Variants in MYO9B observed in about 807,000 individuals in gnomAD.
The protein encoded by MYO9B is myosin IXB.
Under a neutral mutation model 229.5 loss-of-function variants are expected in MYO9B, and 71 were observed. The ratio of observed to expected loss-of-function variants is 0.31; its 90% CI spans 0.26 to 0.38. The LOEUF is 0.38. Ranked by LOEUF, MYO9B falls within the 10% of genes least tolerant of loss-of-function variation. MYO9B has a pLI of 1.00. For missense variants in MYO9B, 2,255 were observed against 2,920.5 expected (o/e 0.77, Z 5.25); for synonymous variants, 1,185 against 1,235.8 (o/e 0.96, Z 0.86).
In MYO9B at chr19:17,101,675, G is replaced by A. The variant is rs757012194; in HGVS notation, c.-43G>A. On this transcript the variant is annotated 5_prime_UTR_variant, in exon 2 of 40. Transcript: ENST00000682292. The surrounding 1 kb of genome is among the most constrained non-coding windows in gnomAD (Gnocchi z 4.7). Reference sequence around the variant, plus strand: ...TCCCTTCTAGCTCCAGGACACGCGCGCCCCGAGCCTGGGAGGCATGCTGAA... The same window carrying A: ...TCCCTTCTAGCTCCAGGACACGCGCACCCCGAGCCTGGGAGGCATGCTGAA... 29 of 1,510,268 alleles carry A rather than the reference G, an allele frequency of 1.9e-5. No individual in the cohort carries two copies. Among genetic ancestry groups the A allele is most frequent in the Middle Eastern group, 1.7e-4 (1 of 5,772 alleles). The allele number at this position is 1,510,268 out of a possible 1,614,324, so 93.6% of individuals were successfully genotyped here.
chr19:17,205,471 G>A (rs1381732291), intron 31 of MYO9B, 135 bp downstream of exon 31: 5 of 778,250 alleles, frequency 6.4e-6, no homozygotes, highest in Non-Finnish European at 2.1e-6. Flanking sequence ...CTCTGGTTCT[G>A]CAGAACACAC....
chr19:17,202,372 C>A, intron 28 of MYO9B, 69 bp downstream of exon 28: 1 of 1,435,552 alleles, frequency 7.0e-7, no homozygotes, highest in Non-Finnish European at 9.4e-7. Context: ...CATCCTTAGC[C>A]ACGCCCACCC....
At position 17,192,733 on chromosome 19, in the gene MYO9B, C is replaced by G; in HGVS notation, c.2812-13C>G. ...GCAGTGCAGCTGACCCCACCTGACC[C>G]CGTGCCCACCAGGTCTTCCTGAAGG... is the stretch of plus-strand genomic sequence containing the variant. On this transcript the variant is annotated splice_polypyrimidine_tract_variant and intron_variant, in intron 20 of 39. Transcript: ENST00000682292. 1 of 1,513,826 alleles carries G rather than the reference C, an allele frequency of 6.6e-7. No homozygotes were observed. Among genetic ancestry groups the G allele is most frequent in the Non-Finnish European group, 8.9e-7 (1 of 1,125,556 alleles). The allele number at this position is 1,513,826 out of a possible 1,614,324, so 93.8% of individuals were successfully genotyped here. A position where few individuals can be genotyped will look rare whatever the true frequency, so the allele number is the denominator to read the frequency against.
chr19:17,114,481 G>A (rs1427366435), intron 2 of MYO9B, among the ~76,000 whole-genome samples: 3 of 152,200 alleles, frequency 2.0e-5, no homozygotes, highest in South Asian at 2.1e-4. Context: ...CCCTAGGTGC[G>A]TGAGGATCTG....
At chr19:17,177,005 C>T (rs4808584) in intron 14 of MYO9B, among the ~76,000 whole-genome samples, 5 of 151,840 alleles carry the variant, frequency 3.3e-5, no homozygotes, top group African/African-American at 4.8e-5. Context: ...GTTTGAGACC[C>T]GCCTGGCCAA....
At chr19:17,185,588 C>T (rs751591919) in intron 17 of MYO9B, among the ~76,000 whole-genome samples, 1 of 151,942 alleles carries the variant, frequency 6.6e-6, no homozygotes, top group Non-Finnish European at 1.5e-5. Context: ...ACACTACATC[C>T]GTGGTCCCTT....
At chr19:17,181,072 T>C (rs1218944620) in intron 15 of MYO9B, 32 bp downstream of exon 15, 19 of 1,491,244 alleles carry the variant, frequency 1.3e-5, no homozygotes, top group Non-Finnish European at 1.3e-5. Context: ...TGCTTACAAG[T>C]GCGACAACCG....
chr19:17,148,288 G>A (rs116591074), intron 3 of MYO9B, among the ~76,000 whole-genome samples: 1,865 of 152,286 alleles, frequency 0.012, 27 homozygotes, highest in African/African-American at 0.041. Context: ...GACACTGCAG[G>A]CTTGACCTCC....
At chr19:17,156,726 T>TGCAGG (rs1376724387) in intron 6 of MYO9B, among the ~76,000 whole-genome samples, 183 bp from the exon 7 acceptor site, 1 of 152,182 alleles carries the variant, frequency 6.6e-6, no homozygotes, top group Non-Finnish European at 1.5e-5. Flanking sequence ...AGGAAAAAGA[T>TGCAGG]AACTGTCTGC....
chr19:17,132,387 A>C (rs1354338911), intron 2 of MYO9B, among the ~76,000 whole-genome samples: 1 of 150,052 alleles, frequency 6.7e-6, no homozygotes, highest in Non-Finnish European at 1.5e-5. Context: ...GGGTTCCACC[A>C]TGTTGGCCAG....
At chr19:17,174,341 T>G (rs1324495148) in intron 13 of MYO9B, among the ~76,000 whole-genome samples, 1 of 152,112 alleles carries the variant, frequency 6.6e-6, no homozygotes, top group African/African-American at 2.4e-5. Context: ...AATGAGCTGC[T>G]TTTTAAGATC....
intron 2 of MYO9B, among the ~76,000 whole-genome samples, chr19:17,109,436 C>T (rs1232578204): frequency 6.6e-6 from 1 of 152,138 alleles, no homozygotes; most frequent in African/African-American, 2.4e-5. Flanking sequence ...TGATTTTCCT[C>T]CATCATCTCT....
At chr19:17,169,347 G>T (rs976611381) in intron 11 of MYO9B, among the ~76,000 whole-genome samples, 13 of 143,374 alleles carry the variant, frequency 9.1e-5, no homozygotes, top group African/African-American at 3.4e-4. Context: ...ACTCCAGCCT[G>T]GGTGACAGAC....
At chr19:17,119,479 G>A (rs1289244240) in intron 2 of MYO9B, among the ~76,000 whole-genome samples, 2 of 152,198 alleles carry the variant, frequency 1.3e-5, no homozygotes, top group Non-Finnish European at 2.9e-5. Flanking sequence ...GGCCGAGGAG[G>A]GGAGCCTGGG....
intron 2 of MYO9B, among the ~76,000 whole-genome samples, chr19:17,111,008 T>C (rs983305940): frequency 3.3e-5 from 5 of 152,124 alleles, no homozygotes; most frequent in East Asian, 1.9e-4. Flanking sequence ...ACTAGCTCTG[T>C]TCCCCCACCC....
chr19:17,158,844 T>C (rs905384814), intron 7 of MYO9B, among the ~76,000 whole-genome samples: 2 of 152,172 alleles, frequency 1.3e-5, no homozygotes, highest in Non-Finnish European at 2.9e-5. Context: ...CCACGGAGCA[T>C]GAGCATCCGG....
chr19:17,137,209 CA>C (rs1443117446), intron 2 of MYO9B, among the ~76,000 whole-genome samples: 7 of 130,496 alleles, frequency 5.4e-5, no homozygotes, highest in Admixed American at 4.1e-4. Context: ...GCCTGGGCAA[CA>C]AGAGCAAACT....
intron 1 of MYO9B, among the ~76,000 whole-genome samples, chr19:17,092,680 G>A (rs1453559689): frequency 2.8e-5 from 4 of 143,628 alleles, no homozygotes; most frequent in African/African-American, 5.2e-5. Context: ...AGCTGAGATC[G>A]CACCGCTGCA....
At chr19:17,187,569 T>TC (rs2072932459) in intron 18 of MYO9B, among the ~76,000 whole-genome samples, 1 of 103,560 alleles carries the variant, frequency 9.7e-6, no homozygotes, top group South Asian at 3.2e-4. Flanking sequence ...TCTTTTTTCT[T>TC]TCTTTTTTTT....
Sources: allele counts gnomAD v4.1 joint callset (sites outside exome capture counted in the v4.1 genomes callset), GRCh38; gene constraint gnomAD v4.1.1; non-coding constraint Gnocchi (gnomAD v3.1); transcripts MANE v1.5; gene names NCBI Gene and HGNC (gene_info 2026-07-23, HGNC 2026-07-21).